MAP3K5: variants seen among roughly 807,000 people sequenced by gnomAD.
MAP3K5 encodes the protein mitogen-activated protein kinase kinase kinase 5.
MAP3K5 carries 56 observed loss-of-function variants against 158.7 expected under a neutral mutation model. That is an observed-to-expected ratio of 0.35 (90% confidence interval 0.28 to 0.44). The LOEUF is 0.44. Ranked by LOEUF, MAP3K5 falls within the 20% of genes least tolerant of loss-of-function variation. MAP3K5 has a pLI of 1.00. For synonymous variants in MAP3K5, 579 were observed against 601.7 expected (o/e 0.96, Z 0.55); for missense variants, 1,294 against 1,674.8 (o/e 0.77, Z 3.97).
chr6:136,683,201 T>C (rs939938720), intron 7 of MAP3K5, among the ~76,000 whole-genome samples: 1 of 152,228 alleles, frequency 6.6e-6, no homozygotes, highest in Non-Finnish European at 1.5e-5. Context: ...TCTAAACCGG[T>C]TGTAATAATC....
chr6:136,741,039 T>C (rs2114875162), intron 1 of MAP3K5, among the ~76,000 whole-genome samples: 1 of 152,334 alleles, frequency 6.6e-6, no homozygotes, highest in African/African-American at 2.4e-5. Flanking sequence ...ATGCACTTGC[T>C]TTTCCATCAA....
chr6:136,651,544 G>A (rs1243581587), intron 10 of MAP3K5, among the ~76,000 whole-genome samples: 1 of 152,148 alleles, frequency 6.6e-6, no homozygotes, highest in Non-Finnish European at 1.5e-5. Flanking sequence ...AGATGTAGTA[G>A]TATGGTTTTC....
intron 19 of MAP3K5, among the ~76,000 whole-genome samples, chr6:136,604,376 A>G (rs1416149592): frequency 6.6e-6 from 1 of 151,986 alleles, no homozygotes; most frequent in Non-Finnish European, 1.5e-5. Context: ...AGAAAAGAAA[A>G]AGTCCTTTGC....
chr6:136,785,212 T>C (rs1355251191), intron 1 of MAP3K5, among the ~76,000 whole-genome samples: 1 of 152,234 alleles, frequency 6.6e-6, no homozygotes, highest in Non-Finnish European at 1.5e-5. Context: ...TTAGAAGTCC[T>C]AAGGAGCTTT....
chr6:136,721,566 A>G (rs1295056886), intron 1 of MAP3K5, among the ~76,000 whole-genome samples: 4 of 152,262 alleles, frequency 2.6e-5, no homozygotes, highest in African/African-American at 9.6e-5. Flanking sequence ...AAAAATATGA[A>G]AGAAAAACTA....
intron 8 of MAP3K5, among the ~76,000 whole-genome samples, chr6:136,667,612 G>A (rs1779283764): frequency 1.3e-5 from 2 of 151,980 alleles, no homozygotes; most frequent in South Asian, 4.1e-4. Flanking sequence ...TAAAATAGCA[G>A]AGGTTTTTGA....
chr6:136,760,785 T>C (rs547586483), intron 1 of MAP3K5, among the ~76,000 whole-genome samples: 1 of 152,204 alleles, frequency 6.6e-6, no homozygotes, highest in Admixed American at 6.5e-5. Context: ...GGCTGGTCAA[T>C]GTGTCGAAAC....
chr6:136,745,851 GAGAGTT>G (rs1782932488), intron 1 of MAP3K5, among the ~76,000 whole-genome samples: 1 of 152,160 alleles, frequency 6.6e-6, no homozygotes, highest in Non-Finnish European at 1.5e-5. Flanking sequence ...TAATTCCGAG[GAGAGTT>G]AGCATAACCC....
chr6:136,656,710 C>T (rs536759408), intron 9 of MAP3K5, among the ~76,000 whole-genome samples: 3 of 151,932 alleles, frequency 2.0e-5, no homozygotes, highest in Non-Finnish European at 4.4e-5. Flanking sequence ...CTGCAAGCTC[C>T]GCCTGCCGGG....
intron 1 of MAP3K5, among the ~76,000 whole-genome samples, chr6:136,746,136 A>T (rs1200529759): frequency 6.6e-6 from 1 of 152,300 alleles, no homozygotes; most frequent in Non-Finnish European, 1.5e-5. Context: ...TAATATCTTA[A>T]CTCTTGACTT....
At chr6:136,734,136 G>A (rs1420351350) in intron 1 of MAP3K5, among the ~76,000 whole-genome samples, 1 of 152,070 alleles carries the variant, frequency 6.6e-6, no homozygotes. Flanking sequence ...AGAAATGGGG[G>A]CTGGGTGCGG....
rs748611577 is a variant in MAP3K5, at chr6:136,659,326, C to T, written c.1419G>A (p.Gln473=). The change falls in exon 9 of 30, where the codon CAG becomes CAA. Residue 473 remains glutamine (Q), a synonymous_variant. Coordinates refer to ENST00000359015, the MANE Select transcript of MAP3K5 (RefSeq NM_005923.4). ...LGKKGNLEKL[Q]SYWEVGFFLG... ...GAAAAAATCCAACTTCCCAGTAGCT[C>T]TGGAGTTTTTCCAAGTTTCCCTTTT... 7 of 1,613,994 alleles carry T rather than the reference C, an allele frequency of 4.3e-6. No individual in the cohort carries two copies. In the Admixed American group the frequency reaches 8.3e-5, roughly 19 times the overall value.
chr6:136,780,290 C>T lies in MAP3K5; in HGVS notation c.448+11420G>A, dbSNP rs77812279. ...AAATGAATATGGTTTGGTAGAGATA[C>T]AATTGATTTCTACCCTTTAGAATAG... On this transcript the variant is annotated intron_variant, in intron 1 of 29. Transcript: ENST00000359015. Among the ~76,000 whole-genome samples, 1,282 of 152,272 alleles carry T rather than the reference C, an allele frequency of 8.4e-3. 20 individuals are homozygous for T. Among genetic ancestry groups the T allele is most frequent in the African/African-American group, 0.028 (1,165 of 41,540 alleles).
rs549602390 is a variant in MAP3K5 at position 136,729,282 on chromosome 6, T to G, written c.449-8693A>C. Among the ~76,000 whole-genome samples the G allele has an allele frequency of 7.9e-5, 12 of 152,352 alleles. No homozygotes were observed. The South Asian group carries it at 2.1e-3, about 26-fold the overall frequency. On this transcript the variant is annotated intron_variant, in intron 1 of 29. Transcript: ENST00000359015. ...TGTAAATAACAGACAAGCTGTTCTT[T>G]GACTTCCAGTGTTTGAATCCCAGTT...
At chr6:136,649,049 A>G (rs990806886) in intron 11 of MAP3K5, among the ~76,000 whole-genome samples, 7 of 152,200 alleles carry the variant, frequency 4.6e-5, no homozygotes, top group Non-Finnish European at 1.0e-4. Flanking sequence ...GGCTCACTGC[A>G]ACCTCTGCCT....
intron 20 of MAP3K5, 133 bp downstream of exon 20, chr6:136,601,669 A>G (rs147702641): frequency 1.3e-6 from 1 of 768,166 alleles, no homozygotes; most frequent in Non-Finnish European, 2.1e-6. Context: ...ATGCCTGAGA[A>G]CACTGTGCTA....
intron 24 of MAP3K5, among the ~76,000 whole-genome samples, chr6:136,581,689 C>T (rs1774885694): frequency 6.6e-6 from 1 of 152,130 alleles, no homozygotes; most frequent in African/African-American, 2.4e-5. Context: ...AGGACTTCAT[C>T]GTACTAGTTG....
Position 136,576,840 on chromosome 6 carries a change from C to A in MAP3K5, c.3517+3461G>T, listed in dbSNP as rs59690225. ...ATTGTAATACTATATTTTACTATAC[C>A]TTTTGTATGTTCAGACACACAAACA... On this transcript the variant is annotated intron_variant, in intron 25 of 29. Coordinates refer to ENST00000359015, the MANE Select transcript of MAP3K5 (RefSeq NM_005923.4). Among the ~76,000 whole-genome samples the A allele has an allele frequency of 5.8e-3, 883 of 152,152 alleles. 6 individuals are homozygous for A. Among genetic ancestry groups the A allele is most frequent in the East Asian group, 0.039 (203 of 5,188 alleles).
rs533003385 is a variant in MAP3K5 at position 136,785,584 on chromosome 6, G to A, written c.448+6126C>T. Among the ~76,000 whole-genome samples the A allele has an allele frequency of 4.6e-5, 7 of 152,234 alleles. No individual in the cohort carries two copies. The South Asian group carries it at 1.2e-3, about 27-fold the overall frequency. On this transcript the variant is annotated intron_variant, in intron 1 of 29. Coordinates refer to ENST00000359015, the MANE Select transcript of MAP3K5 (RefSeq NM_005923.4). ...CAGCAGCATCCCTGGGTCTTACGTC[G>A]GCCAGAAGTAGAAAGGGAAGAAGCC...
Sources: allele counts gnomAD v4.1 joint callset (sites outside exome capture counted in the v4.1 genomes callset), GRCh38; gene constraint gnomAD v4.1.1; transcripts MANE v1.5; gene names NCBI Gene and HGNC (gene_info 2026-07-23, HGNC 2026-07-21).